GRID2: variants seen among roughly 807,000 people sequenced by gnomAD.
The protein encoded by GRID2 is glutamate receptor ionotropic, delta-2.
In GRID2, 33 loss-of-function variants were observed where a neutral mutation model predicts 114.8. The ratio of observed to expected loss-of-function variants is 0.29; its 90% CI spans 0.22 to 0.38. The LOEUF is 0.38. GRID2 is among the 10% of genes least tolerant of loss of function. The pLI is 1.00. For synonymous variants in GRID2, 505 were observed against 449.9 expected (o/e 1.12, Z -1.55); for missense variants, 1,184 against 1,257.7 (o/e 0.94, Z 0.89).
intron 2 of GRID2, among the ~76,000 whole-genome samples, chr4:93,023,281 T>A (rs1048017963): frequency 3.3e-5 from 5 of 151,914 alleles, no homozygotes; most frequent in Non-Finnish European, 7.4e-5. Flanking sequence ...ATAGAATTTC[T>A]CTAGATGTTA....
At chr4:92,776,259 A>G (rs1315145597) in intron 2 of GRID2, among the ~76,000 whole-genome samples, 1 of 152,194 alleles carries the variant, frequency 6.6e-6, no homozygotes, top group African/African-American at 2.4e-5. Context: ...GTATACTGAT[A>G]CAGGAAAATT....
At chr4:92,753,476 C>A (rs546297177) in intron 2 of GRID2, among the ~76,000 whole-genome samples, 27 of 152,170 alleles carry the variant, frequency 1.8e-4, no homozygotes, top group Non-Finnish European at 4.0e-4. Context: ...TTACTAAAAG[C>A]ATCCTTATGC....
chr4:92,932,578 G>T (rs1750328764), intron 2 of GRID2, among the ~76,000 whole-genome samples: 1 of 151,202 alleles, frequency 6.6e-6, no homozygotes, highest in Admixed American at 6.6e-5. Context: ...CAAGAGAAAT[G>T]AAATCATATG....
chr4:92,861,259 C>T lies in GRID2; in HGVS notation c.245-223736C>T, dbSNP rs996547532. Among the ~76,000 whole-genome samples the T allele has an allele frequency of 3.9e-5, 6 of 152,128 alleles. No homozygotes were observed. In the South Asian group the frequency reaches 1.0e-3, roughly 26 times the overall value. On this transcript the variant is annotated intron_variant, in intron 2 of 15. Coordinates refer to ENST00000282020, the MANE Select transcript of GRID2 (RefSeq NM_001510.4). ...GGTCATAACTCAGAAAAAGAAGGGA[C>T]TTTTAAAGGATGGTAATATTATGTC...
chr4:92,745,117 C>A (rs1737084123), intron 2 of GRID2, among the ~76,000 whole-genome samples: 1 of 152,156 alleles, frequency 6.6e-6, no homozygotes, highest in Non-Finnish European at 1.5e-5. Flanking sequence ...AGAAACATAA[C>A]ATGAGTGGAA....
chr4:93,406,121 A>T (rs894922910), intron 9 of GRID2, among the ~76,000 whole-genome samples: 3 of 152,104 alleles, frequency 2.0e-5, no homozygotes, highest in Non-Finnish European at 2.9e-5. Context: ...ATCCTTATCT[A>T]TCTAATTTAC....
At chr4:93,101,108 G>C (rs1731661704) in intron 3 of GRID2, among the ~76,000 whole-genome samples, 3 of 152,102 alleles carry the variant, frequency 2.0e-5, no homozygotes, top group Non-Finnish European at 2.9e-5. Flanking sequence ...GCAAAGACTT[G>C]AAACAGATTT....
intron 4 of GRID2, among the ~76,000 whole-genome samples, chr4:93,167,082 A>T (rs1462941418): frequency 1.3e-5 from 2 of 152,172 alleles, no homozygotes; most frequent in Non-Finnish European, 2.9e-5. Context: ...AGAGGTAGTG[A>T]AAGTGACAGC....
chr4:93,116,601 C>T (rs1733284026), intron 4 of GRID2, among the ~76,000 whole-genome samples: 1 of 152,090 alleles, frequency 6.6e-6, no homozygotes, highest in African/African-American at 2.4e-5. Context: ...CTCCCAGAGA[C>T]CCCCTTTCCT....
In GRID2 at chr4:93,519,566, G is replaced by A. The variant is rs190435366; in HGVS notation, c.2193+4155G>A. On this transcript the variant is annotated intron_variant, in intron 13 of 15. Coordinates refer to ENST00000282020, the MANE Select transcript of GRID2 (RefSeq NM_001510.4). ...AAGGATCATGTGCAGCACTAAAATA[G>A]GGAAGTCCCTGATTATTATGAGGGC... Among the ~76,000 whole-genome samples the A allele has an allele frequency of 3.0e-3, 450 of 152,200 alleles. 2 individuals are homozygous for A. The highest frequency in any genetic ancestry group is 9.1e-3 in the South Asian group (44 of 4,826).
intron 2 of GRID2, among the ~76,000 whole-genome samples, chr4:92,987,555 G>T (rs1352124990): frequency 6.6e-6 from 1 of 151,336 alleles, no homozygotes; most frequent in African/African-American, 2.4e-5. Flanking sequence ...TAACAAACCT[G>T]CACGTTGTGC....
intron 2 of GRID2, among the ~76,000 whole-genome samples, chr4:92,732,047 AG>A (rs1402843700): frequency 1.3e-5 from 2 of 151,976 alleles, no homozygotes; most frequent in Non-Finnish European, 2.9e-5. Flanking sequence ...GGAAGATAAA[AG>A]AAGTTGAAAT....
In GRID2 at chr4:93,626,451, G is replaced by A; in HGVS notation, c.2360+16G>A. 6.5e-7 allele frequency: 1 copy of A among 1,537,734 alleles called. No individual in the cohort carries two copies. Among genetic ancestry groups the A allele is most frequent in the Non-Finnish European group, 8.9e-7 (1 of 1,119,962 alleles). On this transcript the variant is annotated intron_variant, in intron 14 of 15. Transcript: ENST00000282020. ...TTTCACAAAGGTAAGATTTGTGTAT[G>A]ACCAAATAAGGGGAGAGATGAAATT...
chr4:93,792,341 C>A lies in GRID2; in HGVS notation c.222-14374C>A, dbSNP rs544928139. Among the ~76,000 whole-genome samples the A allele has an allele frequency of 2.7e-4, 41 of 152,142 alleles. No individual in the cohort carries two copies. The South Asian group carries it at 7.3e-3, about 27-fold the overall frequency. On this transcript the variant is annotated intron_variant, in intron 1 of 1. Transcript: ENST00000637838. ...AGTTTGGCAACATACACATCTGTAC[C>A]TTTAATTCTCCCCCACACCTAGCCC...
intron 4 of GRID2, among the ~76,000 whole-genome samples, chr4:93,162,920 C>T (rs1009867966): frequency 6.6e-6 from 1 of 151,888 alleles, no homozygotes; most frequent in Non-Finnish European, 1.5e-5. Flanking sequence ...GGCTGGTATT[C>T]ATTCATGCTG....
intron 8 of GRID2, among the ~76,000 whole-genome samples, chr4:93,349,124 A>G (rs1441797507): frequency 1.3e-5 from 2 of 152,170 alleles, no homozygotes; most frequent in East Asian, 3.9e-4. Context: ...CTCTTCATAT[A>G]TACAGGCACA....
At chr4:93,194,623 A>T (rs963278031) in intron 4 of GRID2, among the ~76,000 whole-genome samples, 2 of 152,024 alleles carry the variant, frequency 1.3e-5, no homozygotes, top group African/African-American at 2.4e-5. Flanking sequence ...TGTTGAAACA[A>T]CTCCAGTACC....
Position 93,769,309 on chromosome 4 carries a change from G to A in GRID2, c.2460G>A (p.Lys820=), listed in dbSNP as rs1169713645. ...ACCTGTACTCGTCAGTGGACACAAA[G>A]CAGAAAGGAGGCGCCCTGGACATAA... ...QCDLYSSVDT[K]QKGGALDIKS... Residue 820 remains lysine (K), a synonymous_variant, in exon 15 of 16, where the codon AAG becomes AAA. Transcript: ENST00000282020. 4 of 1,614,006 alleles carry A rather than the reference G, an allele frequency of 2.5e-6. No individual in the cohort carries two copies. In the African/African-American group the frequency reaches 5.3e-5, roughly 22 times the overall value.
At chr4:92,381,352 T>C (rs557721527) in intron 1 of GRID2, among the ~76,000 whole-genome samples, 2 of 152,176 alleles carry the variant, frequency 1.3e-5, no homozygotes, top group South Asian at 4.1e-4. Flanking sequence ...GTACTTTACA[T>C]GTGGGGAAAA....
Sources: allele counts gnomAD v4.1 joint callset (sites outside exome capture counted in the v4.1 genomes callset), GRCh38; gene constraint gnomAD v4.1.1; transcripts MANE v1.5; gene names NCBI Gene and HGNC (gene_info 2026-07-23, HGNC 2026-07-21).